The following IQSEC1 variants were observed in gnomAD, a reference collection of about 807,000 sequenced individuals.
IQSEC1 encodes IQ motif and SEC7 domain-containing protein 1.
In IQSEC1, 31 loss-of-function variants were observed where a neutral mutation model predicts 91.0. The ratio of observed to expected loss-of-function variants is 0.34; its 90% CI spans 0.26 to 0.46. IQSEC1 has a LOEUF of 0.46. Ranked by LOEUF, IQSEC1 falls within the 20% of genes least tolerant of loss-of-function variation. The pLI, the probability that IQSEC1 is intolerant of heterozygous loss-of-function variation, is 1.00. For missense variants in IQSEC1, 1,388 were observed against 1,575.6 expected, an observed-to-expected ratio of 0.88 and a Z score of 2.02; for synonymous variants, 699 against 662.6, an observed-to-expected ratio of 1.05 and a Z score of -0.84.
At chr3:13,047,441 A>G (rs1704540979) in intron 1 of IQSEC1, 2 of 979,372 alleles carry the variant, frequency 2.0e-6, no homozygotes, top group African/African-American at 3.5e-5. Context: ...ACCTAAGGAG[A>G]TCCTGGGGCA....
intron 12 of IQSEC1, among the ~76,000 whole-genome samples, chr3:12,903,724 G>A (rs1207348425): frequency 1.3e-5 from 2 of 152,196 alleles, no homozygotes; most frequent in Non-Finnish European, 2.9e-5. Flanking sequence ...ACCAAGCCTG[G>A]AGCATGACGG....
At chr3:13,109,884 C>CTTT (rs34511430) in intron 2 of IQSEC1, among the ~76,000 whole-genome samples, 13 of 123,234 alleles carry the variant, frequency 1.1e-4, no homozygotes, top group East Asian at 2.4e-4. Context: ...GGGATAAATT[C>CTTT]TTTTTTTTTT....
At chr3:13,054,662 C>T (rs1235260288) in intron 1 of IQSEC1, among the ~76,000 whole-genome samples, 2 of 152,202 alleles carry the variant, frequency 1.3e-5, no homozygotes, top group African/African-American at 4.8e-5. Context: ...CCTCCCTGGG[C>T]CTCCTGAGGC....
At chr3:12,995,621 C>T (rs1486019821) in intron 1 of IQSEC1, among the ~76,000 whole-genome samples, 4 of 152,268 alleles carry the variant, frequency 2.6e-5, no homozygotes, top group African/African-American at 9.6e-5. Flanking sequence ...GTGTGCCTGA[C>T]TGCCCCACTC....
At chr3:13,230,199 T>C (rs1466202741) in intron 1 of IQSEC1, among the ~76,000 whole-genome samples, 5 of 152,206 alleles carry the variant, frequency 3.3e-5, no homozygotes, top group Non-Finnish European at 5.9e-5. Context: ...GTTTACATTA[T>C]TACCCGAAGA....
chr3:12,915,379 G>A (rs902644564), intron 7 of IQSEC1, among the ~76,000 whole-genome samples: 1 of 152,220 alleles, frequency 6.6e-6, no homozygotes, highest in Non-Finnish European at 1.5e-5. Context: ...AGATCATTAA[G>A]AGCCTCAGCT....
chr3:13,232,413 T>C (rs750997166), intron 1 of IQSEC1, among the ~76,000 whole-genome samples: 2 of 152,198 alleles, frequency 1.3e-5, no homozygotes, highest in Non-Finnish European at 2.9e-5. Flanking sequence ...CCTCCCTCTC[T>C]GGCAGGAGGC....
chr3:13,281,312 C>G (rs1003785874), intron 1 of IQSEC1, among the ~76,000 whole-genome samples: 1 of 152,138 alleles, frequency 6.6e-6, no homozygotes, highest in African/African-American at 2.4e-5. Context: ...TCAGAGACTC[C>G]GGAGGGCCAG....
At chr3:12,971,988 C>T (rs1700922555) in intron 1 of IQSEC1, among the ~76,000 whole-genome samples, 1 of 150,782 alleles carries the variant, frequency 6.6e-6, no homozygotes, top group Admixed American at 6.6e-5. Flanking sequence ...CACTCCAGCC[C>T]TGGCAACAGG....
At chr3:13,025,759 T>G (rs942015525) in intron 1 of IQSEC1, among the ~76,000 whole-genome samples, 1 of 152,174 alleles carries the variant, frequency 6.6e-6, no homozygotes, top group Admixed American at 6.5e-5. Flanking sequence ...GTATGAGACC[T>G]CTCCTTACTC....
chr3:12,955,852 T>A (rs900549150), intron 1 of IQSEC1, among the ~76,000 whole-genome samples: 7 of 152,166 alleles, frequency 4.6e-5, no homozygotes, highest in African/African-American at 1.4e-4. Context: ...GACCTCGGAC[T>A]GCACGGAGCT....
intron 3 of IQSEC1, among the ~76,000 whole-genome samples, chr3:12,930,569 T>C (rs1201423417): frequency 6.6e-6 from 1 of 152,170 alleles, no homozygotes; most frequent in South Asian, 2.1e-4. Flanking sequence ...TGGGGTTGCC[T>C]TGAGGTCAGA....
chr3:13,219,853 T>C lies in IQSEC1; in HGVS notation c.273-55720A>G, dbSNP rs556810988. Among the ~76,000 whole-genome samples, 51 of 152,346 alleles carry C rather than the reference T, an allele frequency of 3.3e-4. No homozygotes were observed. In the Middle Eastern group the frequency reaches 0.01, roughly 30 times the overall value. On this transcript the variant is annotated intron_variant, in intron 1 of 15. Transcript: ENST00000648114. ...TCCCAGCAAGGCCCTGAGAGGCTGGTGGCTTATTTCCTTAATGCCACTGCT... is the reference window on the plus strand; with the variant it reads ...TCCCAGCAAGGCCCTGAGAGGCTGGCGGCTTATTTCCTTAATGCCACTGCT...
At chr3:13,033,053 C>A (rs1453881457) in intron 1 of IQSEC1, among the ~76,000 whole-genome samples, 1 of 152,000 alleles carries the variant, frequency 6.6e-6, no homozygotes, top group African/African-American at 2.4e-5. Flanking sequence ...AAACAACAGC[C>A]TGTGTTTATT....
intron 1 of IQSEC1, among the ~76,000 whole-genome samples, chr3:13,279,066 C>T (rs1464182922): frequency 3.9e-5 from 6 of 152,172 alleles, no homozygotes; most frequent in African/African-American, 1.2e-4. Flanking sequence ...AGGAAGCCCC[C>T]GGTGGATGCA....
chr3:13,173,843 C>T (rs761735649), intron 1 of IQSEC1, among the ~76,000 whole-genome samples: 4 of 152,204 alleles, frequency 2.6e-5, no homozygotes, highest in African/African-American at 9.6e-5. Flanking sequence ...GTTAGAAATG[C>T]AAATTCTCTG....
chr3:12,972,797 C>G (rs1239340292), intron 1 of IQSEC1, among the ~76,000 whole-genome samples: 2 of 152,174 alleles, frequency 1.3e-5, no homozygotes, highest in Admixed American at 1.3e-4. Context: ...ATACAGCATC[C>G]AGCCTGGGCG....
At chr3:12,954,501 G>A (rs1381868150) in intron 1 of IQSEC1, among the ~76,000 whole-genome samples, 2 of 152,194 alleles carry the variant, frequency 1.3e-5, no homozygotes, top group Non-Finnish European at 2.9e-5. Context: ...ATGGGGGAGA[G>A]GGGTTCCCCT....
At chr3:13,033,388 G>C (rs931026742) in intron 1 of IQSEC1, among the ~76,000 whole-genome samples, 2 of 152,162 alleles carry the variant, frequency 1.3e-5, no homozygotes, top group African/African-American at 4.8e-5. Flanking sequence ...CTGGAAGTCA[G>C]AGCGAGGCGC....
Sources: gnomAD v4.1 joint callset for allele counts (sites outside exome capture counted in the v4.1 genomes callset) on GRCh38, gnomAD v4.1.1 for gene constraint, MANE v1.5 for transcripts, NCBI Gene and HGNC (gene_info 2026-07-23, HGNC 2026-07-21) for gene names.